The following WTAP variants were observed in gnomAD, a reference collection of about 807,000 sequenced individuals.
WTAP encodes pre-mRNA-splicing regulator WTAP.
A neutral mutation model predicts 50.0 loss-of-function variants in WTAP; 8 were observed. The ratio of observed to expected loss-of-function variants is 0.16; its 90% confidence interval spans 0.09 to 0.29. The LOEUF (loss-of-function observed/expected upper bound fraction) is 0.29, where lower values mean the gene tolerates loss of function less well. Ranked by LOEUF, WTAP falls within the 10% of genes least tolerant of loss-of-function variation. The pLI is 1.00. For synonymous variants in WTAP, 194 were observed against 169.0 expected (o/e 1.15, Z -1.15); for missense variants, 295 against 470.7 (o/e 0.63, Z 3.45).
At chr6:159,752,024 C>G (rs1479088757) in intron 6 of WTAP, among the ~76,000 whole-genome samples, 1 of 150,334 alleles carries the variant, frequency 6.7e-6, no homozygotes, top group African/African-American at 2.5e-5. Flanking sequence ...GATCACGCCA[C>G]TGCACTCCAG....
At chr6:159,734,081 T>C (rs901605539) in intron 1 of WTAP, among the ~76,000 whole-genome samples, 1 of 152,238 alleles carries the variant, frequency 6.6e-6, no homozygotes, top group Non-Finnish European at 1.5e-5. Context: ...GAGTTGAGAT[T>C]GTACGTAGTA....
chr6:159,753,371 G>A (rs576039582), intron 6 of WTAP, 89 bp from the exon 7 acceptor site: 34 of 1,550,718 alleles, frequency 2.2e-5, no homozygotes, highest in Non-Finnish European at 2.7e-5. Flanking sequence ...AGTTATGTTT[G>A]TATGTGTTAC....
At chr6:159,732,268 T>A (rs748358712) in intron 1 of WTAP, among the ~76,000 whole-genome samples, 1 of 152,144 alleles carries the variant, frequency 6.6e-6, no homozygotes, top group Non-Finnish European at 1.5e-5. Context: ...TTGAACAGCA[T>A]CCATGATACT....
intron 3 of WTAP, among the ~76,000 whole-genome samples, chr6:159,740,149 T>A (rs889299093): frequency 1.4e-4 from 21 of 149,894 alleles, no homozygotes; most frequent in Non-Finnish European, 3.0e-5. Context: ...CTGGCCATGA[T>A]TTTTTTTTTC....
At chr6:159,736,607 C>T (rs907774132) in intron 2 of WTAP, 4 of 228,776 alleles carry the variant, frequency 1.7e-5, no homozygotes, top group African/African-American at 6.8e-5. Flanking sequence ...GTAAATATTT[C>T]CAGGTACATA....
chr6:159,745,365 C>A (rs1031846182), intron 5 of WTAP, among the ~76,000 whole-genome samples: 7 of 152,108 alleles, frequency 4.6e-5, no homozygotes, highest in Non-Finnish European at 8.8e-5. Context: ...TTCGGTGATA[C>A]CTCATCACTC....
At chr6:159,728,265 C>A (rs1056594743) in intron 1 of WTAP, among the ~76,000 whole-genome samples, 1 of 152,046 alleles carries the variant, frequency 6.6e-6, no homozygotes, top group African/African-American at 2.4e-5. Flanking sequence ...GAGACAGTTA[C>A]TAGATTTTTT....
In WTAP at chr6:159,739,794, C is replaced by T. The variant is rs560005649; in HGVS notation, c.86+749C>T. 7.8e-5 allele frequency among the ~76,000 whole-genome samples: 11 copies of T among 141,268 alleles called. No homozygotes were observed. In the Admixed American group the frequency reaches 7.9e-4, roughly 10 times the overall value. The allele number at this position is 141,268 out of a possible 152,430, so 92.7% of individuals were successfully genotyped here. ...ACAATTTCCTACTTTCACCTTTGGA[C>T]AGCTACTGTATTATGAACACACTTT... On this transcript the variant is annotated intron_variant, in intron 3 of 7. Coordinates refer to ENST00000621533, the MANE Select transcript of WTAP (RefSeq NM_001270531.2).
chr6:159,728,345 C>G (rs1049257938), intron 1 of WTAP, among the ~76,000 whole-genome samples: 1 of 151,872 alleles, frequency 6.6e-6, no homozygotes, highest in Non-Finnish European at 1.5e-5. Context: ...ATAAGAAAGT[C>G]ACTTGGTTGT....
chr6:159,727,310 C>T (rs764892887), upstream of WTAP: 2 of 1,280,876 alleles, frequency 1.6e-6, no homozygotes, highest in South Asian at 1.2e-5. Context: ...GTGACTGCGG[C>T]CACGCCTGAA....
At chr6:159,747,897 T>A (rs948190318) in intron 5 of WTAP, among the ~76,000 whole-genome samples, 6 of 152,348 alleles carry the variant, frequency 3.9e-5, no homozygotes, top group Admixed American at 6.5e-5. Context: ...CTTAAATAGT[T>A]ATTTTTTTAA....
intron 1 of WTAP, among the ~76,000 whole-genome samples, chr6:159,735,326 A>C (rs938298027): frequency 4.6e-5 from 7 of 152,168 alleles, no homozygotes; most frequent in African/African-American, 1.4e-4. Context: ...TTTTTGGTAG[A>C]GACCGAGTTT....
In WTAP at chr6:159,742,132, A is replaced by T. The variant is rs781144409; in HGVS notation, c.131A>T (p.Tyr44Phe). The T allele has an allele frequency of 6.2e-7, 1 of 1,607,772 alleles. No homozygotes were observed. Among genetic ancestry groups the T allele is most frequent in the Non-Finnish European group, 8.5e-7 (1 of 1,178,264 alleles). The change falls in exon 4 of 8, where the codon TAC (tyrosine) becomes TTC (phenylalanine). Residue 44 changes from tyrosine (Y) to phenylalanine (F), a missense_variant. Transcript: ENST00000621533. ...EAYVQALEGK[Y>F]TDLNSNDVTG... ...TATGTACAAGCTTTGGAGGGCAAGT[A>T]CACAGATCTTAACTGTAAGTTTGAG...
intron 1 of WTAP, among the ~76,000 whole-genome samples, chr6:159,731,423 G>A (rs1321345295): frequency 6.6e-6 from 1 of 151,424 alleles, no homozygotes; most frequent in Admixed American, 6.6e-5. Flanking sequence ...AGCTGTGATC[G>A]AGTCACTGCA....
chr6:159,754,289 C>T (rs1281963307), intron 7 of WTAP, among the ~76,000 whole-genome samples: 1 of 152,174 alleles, frequency 6.6e-6, no homozygotes, highest in African/African-American at 2.4e-5. Flanking sequence ...TTTCCTGTGA[C>T]TTTTGTCCTT....
chr6:159,751,370 C>G (rs1297673675), intron 6 of WTAP, among the ~76,000 whole-genome samples: 1 of 152,138 alleles, frequency 6.6e-6, no homozygotes, highest in Non-Finnish European at 1.5e-5. Flanking sequence ...CTTTAAAATT[C>G]ATATAGTAAG....
At chr6:159,734,202 CAG>C (rs978566130) in intron 1 of WTAP, among the ~76,000 whole-genome samples, 1 of 151,852 alleles carries the variant, frequency 6.6e-6, no homozygotes, top group African/African-American at 2.4e-5. Flanking sequence ...TAATGAGAGA[CAG>C]GGTCTTACCA....
At position 159,748,123 on chromosome 6, in the gene WTAP, A is replaced by C; in HGVS notation, c.274-68A>C. The C allele has an allele frequency of 1.3e-6, 2 of 1,527,808 alleles. No homozygotes were observed. The highest frequency in any genetic ancestry group is 1.8e-6 in the Non-Finnish European group (2 of 1,127,130). 94.6% of individuals were successfully genotyped at this position (1,527,808 alleles called of 1,614,324 possible). On this transcript the variant is annotated intron_variant, in intron 5 of 7. Transcript: ENST00000621533. The surrounding 1 kb of genome is among the most constrained non-coding windows in gnomAD (Gnocchi z 5.6). ...GTTGGTAAATCAAGTGAATGGAGGG[A>C]GTTTTCCCCACCTTCTTATGTATGT... is the stretch of plus-strand genomic sequence containing the variant.
At chr6:159,727,494 G>T, upstream of WTAP, 1 of 993,430 alleles carries the variant, frequency 1.0e-6, no homozygotes, top group African/African-American at 1.7e-5. Flanking sequence ...CCGGGCGGCG[G>T]GGCCTGGTTT....
Sources: allele counts gnomAD v4.1 joint callset (sites outside exome capture counted in the v4.1 genomes callset), GRCh38; gene constraint gnomAD v4.1.1; non-coding constraint Gnocchi (gnomAD v3.1); transcripts MANE v1.5; gene names NCBI Gene and HGNC (gene_info 2026-07-23, HGNC 2026-07-21).